Variants in DLG2 observed in about 807,000 individuals in gnomAD.
The protein encoded by DLG2 is discs large MAGUK scaffold protein 2.
In DLG2, 45 loss-of-function variants were observed where a neutral mutation model predicts 132.5. The observed-to-expected ratio is 0.34, with a 90% confidence interval of 0.27 to 0.44. The LOEUF (loss-of-function observed/expected upper bound fraction) is 0.44, where lower values mean the gene tolerates loss of function less well. Ranked by LOEUF, DLG2 falls within the 20% of genes least tolerant of loss-of-function variation. The pLI is 1.00. For synonymous variants in DLG2, 424 were observed against 419.6 expected, an observed-to-expected ratio of 1.01 and a Z score of -0.13; for missense variants, 1,045 against 1,196.9, an observed-to-expected ratio of 0.87 and a Z score of 1.87.
At chr11:84,945,098 T>C (rs1179809761) in intron 6 of DLG2, among the ~76,000 whole-genome samples, 1 of 152,194 alleles carries the variant, frequency 6.6e-6, no homozygotes, top group African/African-American at 2.4e-5. Context: ...TGCTAGTGGA[T>C]GTTGGTCAAT....
chr11:84,916,348 CAAAAAAAAAAAAAAAA>C (rs11423369), intron 6 of DLG2, among the ~76,000 whole-genome samples: 2 of 27,940 alleles, frequency 7.2e-5, no homozygotes, highest in South Asian at 3.0e-3. Flanking sequence ...GACTCCGTCT[CAAAAAAAAAAAAAAAA>C]AAAAAAAAAA....
chr11:84,360,350 G>T (rs377188875), intron 7 of DLG2, among the ~76,000 whole-genome samples: 9 of 151,806 alleles, frequency 5.9e-5, no homozygotes, highest in African/African-American at 2.2e-4. Context: ...TCAGATTTGA[G>T]GGCCAAATTC....
intron 6 of DLG2, among the ~76,000 whole-genome samples, chr11:84,664,268 T>G (rs994138385): frequency 1.3e-5 from 2 of 152,072 alleles, no homozygotes; most frequent in Non-Finnish European, 2.9e-5. Context: ...CTAAGCCTCC[T>G]CCTTGGCTCT....
chr11:85,427,565 C>T (rs1282577449), intron 3 of DLG2, among the ~76,000 whole-genome samples: 1 of 152,146 alleles, frequency 6.6e-6, no homozygotes, highest in Non-Finnish European at 1.5e-5. Flanking sequence ...CCTTTACAGA[C>T]AAGCAAATGC....
intron 8 of DLG2, among the ~76,000 whole-genome samples, chr11:84,208,516 G>T (rs929432364): frequency 1.3e-5 from 2 of 151,838 alleles, no homozygotes; most frequent in African/African-American, 4.8e-5. Context: ...GCTAATTTTT[G>T]TATTTTTACT....
intron 7 of DLG2, among the ~76,000 whole-genome samples, chr11:84,527,989 T>C (rs56332206): frequency 6.6e-6 from 1 of 151,540 alleles, no homozygotes; most frequent in Non-Finnish European, 1.5e-5. Flanking sequence ...CCCATAGTTT[T>C]AAGTTTGAGG....
chr11:83,567,123 A>G (rs2096722321), intron 19 of DLG2, among the ~76,000 whole-genome samples: 1 of 152,106 alleles, frequency 6.6e-6, no homozygotes, highest in African/African-American at 2.4e-5. Context: ...CTAATTCTTA[A>G]GTTTCGGGTG....
intron 6 of DLG2, among the ~76,000 whole-genome samples, chr11:84,617,300 C>A (rs538821443): frequency 6.6e-6 from 1 of 152,208 alleles, no homozygotes; most frequent in African/African-American, 2.4e-5. Flanking sequence ...CATGTCCCTG[C>A]AAAAGACATG....
chr11:84,777,281 G>GTGTATATA (rs1218190517), intron 6 of DLG2, among the ~76,000 whole-genome samples: 194 of 94,958 alleles, frequency 2.0e-3, no homozygotes, highest in Non-Finnish European at 2.4e-3. Flanking sequence ...ATGTGTGTGT[G>GTGTATATA]TATATATATA....
intron 3 of DLG2, among the ~76,000 whole-genome samples, chr11:85,311,795 C>T (rs1385271660): frequency 6.6e-6 from 1 of 152,048 alleles, no homozygotes; most frequent in East Asian, 1.9e-4. Context: ...CACATTCATT[C>T]ACCTAGAACT....
intron 15 of DLG2, among the ~76,000 whole-genome samples, chr11:83,894,435 A>G (rs1945308): frequency 4.6e-5 from 7 of 152,202 alleles, no homozygotes; most frequent in African/African-American, 1.7e-4. Flanking sequence ...CCAAGGAAAC[A>G]AAAAAGGAAA....
At chr11:85,250,713 A>C (rs1379468023) in intron 4 of DLG2, among the ~76,000 whole-genome samples, 1 of 152,184 alleles carries the variant, frequency 6.6e-6, no homozygotes, top group Admixed American at 6.6e-5. Flanking sequence ...CTATAATTCA[A>C]TGTGAGAAGA....
At chr11:83,688,945 G>A (rs1246425350) in intron 18 of DLG2, among the ~76,000 whole-genome samples, 2 of 152,138 alleles carry the variant, frequency 1.3e-5, no homozygotes, top group Non-Finnish European at 2.9e-5. Context: ...CATTCTGTGA[G>A]TATATATGGA....
intron 6 of DLG2, among the ~76,000 whole-genome samples, chr11:84,562,120 A>T (rs903553076): frequency 6.6e-6 from 1 of 152,202 alleles, no homozygotes; most frequent in Admixed American, 6.5e-5. Context: ...AATGTATAAT[A>T]GAATCAATGA....
chr11:84,684,906 A>G (rs779667689), intron 6 of DLG2, among the ~76,000 whole-genome samples: 24 of 152,216 alleles, frequency 1.6e-4, no homozygotes, highest in Non-Finnish European at 3.2e-4. Flanking sequence ...TTTGACTTTG[A>G]GAATTTCAGT....
At chr11:84,333,691 A>G (rs919877956) in intron 7 of DLG2, among the ~76,000 whole-genome samples, 3 of 152,232 alleles carry the variant, frequency 2.0e-5, no homozygotes, top group Non-Finnish European at 4.4e-5. Flanking sequence ...AGACAGCCAT[A>G]GTGATGATAA....
intron 6 of DLG2, among the ~76,000 whole-genome samples, chr11:84,970,405 C>T (rs1453390949): frequency 6.6e-6 from 1 of 152,104 alleles, no homozygotes; most frequent in East Asian, 1.9e-4. Context: ...ATTGGGTGTC[C>T]CTGTCTTAGT....
At chr11:84,626,017 TATC>T (rs2099621932) in intron 6 of DLG2, among the ~76,000 whole-genome samples, 1 of 152,242 alleles carries the variant, frequency 6.6e-6, no homozygotes, top group African/African-American at 2.4e-5. Context: ...TTATCATTTT[TATC>T]ATAATAATTA....
At chr11:85,213,182 G>C (rs1453170580) in intron 4 of DLG2, among the ~76,000 whole-genome samples, 1 of 152,130 alleles carries the variant, frequency 6.6e-6, no homozygotes, top group Non-Finnish European at 1.5e-5. Context: ...TTGATGAAAA[G>C]AGTAAAATTC....
Sources: allele counts gnomAD v4.1 joint callset (sites outside exome capture counted in the v4.1 genomes callset), GRCh38; gene constraint gnomAD v4.1.1; transcripts MANE v1.5; gene names NCBI Gene and HGNC (gene_info 2026-07-23, HGNC 2026-07-21).